ARHGEF10L: variants seen among roughly 807,000 people sequenced by gnomAD.
ARHGEF10L encodes rho guanine nucleotide exchange factor 10-like protein.
A neutral mutation model predicts 141.2 loss-of-function variants in ARHGEF10L; 69 were observed. The observed-to-expected ratio is 0.49, with a 90% CI of 0.40 to 0.60. The LOEUF is 0.60. Among genes scored for constraint, ARHGEF10L ranks in the 20% least tolerant of loss-of-function variants. The pLI is 0.00. For synonymous variants in ARHGEF10L, 711 were observed against 718.5 expected (o/e 0.99, Z 0.17); for missense variants, 1,482 against 1,734.3 (o/e 0.85, Z 2.58).
rs1306978913 is a variant in ARHGEF10L at position 17,640,248 on chromosome 1, C to A, written c.2218C>A (p.Pro740Thr). 6.2e-7 allele frequency: 1 copy of A among 1,613,410 alleles called. No individual in the cohort carries two copies. The highest frequency in any genetic ancestry group is 8.5e-7 in the Non-Finnish European group (1 of 1,179,792). The change falls in exon 21 of 29, where the codon CCC (proline) becomes ACC (threonine). Residue 740 changes from proline (P) to threonine (T), a missense_variant. Physicochemically the swap from Pro to Thr is conservative, Grantham distance 38. Coordinates refer to ENST00000361221, the MANE Select transcript of ARHGEF10L (RefSeq NM_018125.4). ...CATGGTGGTTTTCATCACCCCCAAC[C>A]CCCTGAGCAAGATTTCCTGGGTCAA... is the stretch of plus-strand genomic sequence containing the variant. Reference protein sequence around the residue: ...SFMVVFITPNPLSKISWVNRL... With the variant: ...SFMVVFITPNTLSKISWVNRL...
At chr1:17,680,854 G>A (rs1320260968) in intron 26 of ARHGEF10L, among the ~76,000 whole-genome samples, 2 of 151,050 alleles carry the variant, frequency 1.3e-5, no homozygotes, top group Non-Finnish European at 2.9e-5. Context: ...CGTGATCTCG[G>A]CTCACTGCAA....
At chr1:17,658,958 A>C (rs1468697851) in intron 25 of ARHGEF10L, among the ~76,000 whole-genome samples, 3 of 152,048 alleles carry the variant, frequency 2.0e-5, no homozygotes, top group Admixed American at 1.3e-4. Flanking sequence ...GAGGCAGGAG[A>C]ATGCTTGATT....
In ARHGEF10L at chr1:17,632,208, A is replaced by G. The variant is rs1571098639; in HGVS notation, c.1585-113A>G. The G allele has an allele frequency of 5.8e-6, 8 of 1,386,072 alleles. No individual in the cohort carries two copies. The East Asian group carries it at 1.9e-4, about 32-fold the overall frequency. 85.9% of individuals were successfully genotyped at this position (1,386,072 alleles called of 1,614,324 possible). Reference sequence around the variant, plus strand: ...TGGAGGGAGTGGCTTCATCTCCTCCACCTCTCCCAGCCTCAGTCTCCCTTT... The same window carrying G: ...TGGAGGGAGTGGCTTCATCTCCTCCGCCTCTCCCAGCCTCAGTCTCCCTTT... On this transcript the variant is annotated intron_variant, in intron 15 of 28. Transcript: ENST00000361221.
intron 3 of ARHGEF10L, 103 bp from the exon 4 acceptor site, chr1:17,588,343 G>C (rs2079204794): frequency 7.5e-7 from 1 of 1,341,538 alleles, no homozygotes; most frequent in Non-Finnish European, 1.1e-6. Flanking sequence ...GCCAGGCCCT[G>C]TCTGCGGCGC....
intron 15 of ARHGEF10L, among the ~76,000 whole-genome samples, chr1:17,631,756 T>C (rs2060707505): frequency 6.6e-6 from 1 of 152,230 alleles, no homozygotes; most frequent in African/African-American, 2.4e-5. Flanking sequence ...CATCTTGAAA[T>C]TCATAGTCAC....
chr1:17,577,234 T>C (rs1244426509), intron 1 of ARHGEF10L, among the ~76,000 whole-genome samples: 2 of 152,034 alleles, frequency 1.3e-5, no homozygotes, highest in Admixed American at 6.6e-5. Context: ...TTAGTAGAGA[T>C]GGGGTTTCAC....
intron 26 of ARHGEF10L, among the ~76,000 whole-genome samples, chr1:17,684,080 G>T (rs954268185): frequency 2.0e-5 from 3 of 152,146 alleles, no homozygotes; most frequent in Non-Finnish European, 4.4e-5. Flanking sequence ...AAGCATGTTG[G>T]GTCTCACTGA....
chr1:17,521,809 G>A, the ARHGEF10L span, among the ~76,000 whole-genome samples: 2 of 152,078 alleles, frequency 1.3e-5, no homozygotes, highest in African/African-American at 4.8e-5. Flanking sequence ...GGGCTTCCTA[G>A]GGAGGGGGTC....
intron 4 of ARHGEF10L, among the ~76,000 whole-genome samples, chr1:17,598,668 C>T (rs2080346173): frequency 6.6e-6 from 1 of 152,144 alleles, no homozygotes; most frequent in Non-Finnish European, 1.5e-5. Flanking sequence ...AGGATTTTAA[C>T]ACATGGACTT....
rs553531493 is a variant in ARHGEF10L at position 17,610,928 on chromosome 1, C to T, written c.610-2130C>T. 2.0e-5 allele frequency among the ~76,000 whole-genome samples: 3 copies of T among 151,700 alleles called. No homozygotes were observed. In the South Asian group the frequency reaches 6.3e-4, roughly 32 times the overall value. On this transcript the variant is annotated intron_variant, in intron 7 of 28. Coordinates refer to ENST00000361221, the MANE Select transcript of ARHGEF10L (RefSeq NM_018125.4). ...CCTGTTATGTGAACAAGTGGTCCTG[C>T]TGGTGCCAATCCAGGATCTGTGGTT...
intron 27 of ARHGEF10L, chr1:17,691,109 C>A (rs1311531348): frequency 2.2e-6 from 1 of 455,688 alleles, no homozygotes; most frequent in Non-Finnish European, 4.4e-6. Context: ...CTCCCTCCTC[C>A]TTTTAACCAG....
intron 4 of ARHGEF10L, among the ~76,000 whole-genome samples, chr1:17,595,628 A>G (rs1181483597): frequency 6.6e-6 from 1 of 152,136 alleles, no homozygotes; most frequent in Non-Finnish European, 1.5e-5. Flanking sequence ...CAGGAGAGAC[A>G]CACGGGGTCC....
chr1:17,651,262 G>A (rs936246795), intron 22 of ARHGEF10L, among the ~76,000 whole-genome samples: 1 of 152,206 alleles, frequency 6.6e-6, no homozygotes, highest in Non-Finnish European at 1.5e-5. Context: ...CGGCAAGGGA[G>A]GTGGACACAT....
At position 17,637,984 on chromosome 1, in the gene ARHGEF10L, C is replaced by T. The variant is rs764487400; in HGVS notation, c.2024C>T (p.Thr675Met). The T allele has an allele frequency of 9.4e-6, 15 of 1,591,930 alleles. No individual in the cohort carries two copies. The highest frequency in any genetic ancestry group is 5.3e-5 in the Admixed American group (3 of 57,064). ...GAGCAGATCACGCTTCTCATCAGCA[C>T]GCTGCACGGCACCTACCAGGTACGT... ...VVEQITLLIS[T>M]LHGTYQNLNM... is the part of the protein sequence containing the mutation. Residue 675 changes from threonine to methionine, a missense_variant, in exon 19 of 29, where the codon ACG (threonine) becomes ATG (methionine). Physicochemically the swap from Thr to Met is moderately conservative, Grantham distance 81. This residue lies in a region of ARHGEF10L where 858 missense variants were observed against 966.3 expected (regional missense o/e 0.89). Transcript: ENST00000361221.
At chr1:17,655,288 A>G (rs1482082333) in intron 23 of ARHGEF10L, among the ~76,000 whole-genome samples, 1 of 151,896 alleles carries the variant, frequency 6.6e-6, no homozygotes, top group Non-Finnish European at 1.5e-5. Flanking sequence ...CTATCCATCT[A>G]TCCATCCACC....
At chr1:17,663,235 G>C (rs1034973457) in intron 25 of ARHGEF10L, among the ~76,000 whole-genome samples, 1 of 152,148 alleles carries the variant, frequency 6.6e-6, no homozygotes, top group Non-Finnish European at 1.5e-5. Flanking sequence ...AGGGATGGCC[G>C]ACTGGGGATT....
Position 17,603,326 on chromosome 1 carries a change from G to A in ARHGEF10L, c.350-182G>A, listed in dbSNP as rs1198531827. Among the ~76,000 whole-genome samples the A allele has an allele frequency of 1.5e-4, 17 of 116,936 alleles. No individual in the cohort carries two copies. The South Asian group carries it at 5.4e-3, about 37-fold the overall frequency. The allele number at this position is 116,936 out of a possible 152,430, so 76.7% of individuals were successfully genotyped here. On this transcript the variant is annotated intron_variant, in intron 5 of 28. Transcript: ENST00000361221. This position sits in a 1 kb window ranked among gnomAD's most constrained non-coding sequence, Gnocchi z 4.8. ...GGGCGCCTTGGAGGGGGTGGGGGGCGGGGAGAAGCGAGGGAGCCGGCATCC... is the reference window on the plus strand; with the variant it reads ...GGGCGCCTTGGAGGGGGTGGGGGGCAGGGAGAAGCGAGGGAGCCGGCATCC...
the ARHGEF10L span, among the ~76,000 whole-genome samples, chr1:17,513,645 C>A: frequency 4.6e-5 from 7 of 152,076 alleles, no homozygotes; most frequent in East Asian, 5.8e-4. Flanking sequence ...ATTTCACAAT[C>A]AAAAATGTTT....
chr1:17,595,613 T>C (rs1340901321), intron 4 of ARHGEF10L, among the ~76,000 whole-genome samples: 1 of 151,928 alleles, frequency 6.6e-6, no homozygotes, highest in African/African-American at 2.4e-5. Context: ...ATGTGTGGGG[T>C]GGCACAGGAG....
Sources: allele counts gnomAD v4.1 joint callset (sites outside exome capture counted in the v4.1 genomes callset), GRCh38; gene constraint gnomAD v4.1.1; regional missense constraint gnomAD v4.1.1; non-coding constraint Gnocchi (gnomAD v3.1); transcripts MANE v1.5; gene names NCBI Gene and HGNC (gene_info 2026-07-23, HGNC 2026-07-21).